The following NCAPD3 variants were observed in gnomAD, a reference collection of about 807,000 sequenced individuals.
The protein encoded by NCAPD3 is non-SMC condensin II complex subunit D3, also known as condensin-2 complex subunit D3.
In NCAPD3, 105 loss-of-function variants were observed where a neutral mutation model predicts 182.9. The observed-to-expected ratio is 0.57, with a 90% CI of 0.49 to 0.68. NCAPD3 has a LOEUF of 0.68. Ranked by LOEUF, NCAPD3 falls within the 30% of genes least tolerant of loss-of-function variation. The pLI, the probability that NCAPD3 is intolerant of heterozygous loss-of-function variation, is 0.00. For missense variants in NCAPD3, 1,944 were observed against 1,837.0 expected, an observed-to-expected ratio of 1.06 and a Z score of -1.07; for synonymous variants, 815 against 679.9, an observed-to-expected ratio of 1.20 and a Z score of -3.09.
intron 25 of NCAPD3, 83 bp downstream of exon 25, chr11:134,168,834 C>A (rs1436589255): frequency 1.3e-6 from 2 of 1,515,682 alleles, no homozygotes; most frequent in Non-Finnish European, 1.8e-6. Flanking sequence ...CGTCCAATCA[C>A]TACATGCAAA....
chr11:134,225,029 C>A, upstream of NCAPD3: 1 of 1,218,488 alleles, frequency 8.2e-7, no homozygotes, highest in Non-Finnish European at 1.1e-6. Context: ...AGCGCGCTCG[C>A]GCATCGGGCC....
intron 8 of NCAPD3, among the ~76,000 whole-genome samples, chr11:134,205,237 A>G (rs1944825768): frequency 6.6e-6 from 1 of 152,210 alleles, no homozygotes; most frequent in Admixed American, 6.5e-5. Context: ...TCTTTTGACT[A>G]CTTACTAAAT....
In NCAPD3 at chr11:134,204,488, A is replaced by C. The variant is rs1309586770; in HGVS notation, c.1090-317T>G. ...TATAAAAATGTAGAGATCATCATGGAAATTTGAACACTGGATGTTTGATAA... is the reference window on the plus strand; with the variant it reads ...TATAAAAATGTAGAGATCATCATGGCAATTTGAACACTGGATGTTTGATAA... On this transcript the variant is annotated intron_variant, in intron 9 of 34. Coordinates refer to ENST00000534548, the MANE Select transcript of NCAPD3 (RefSeq NM_015261.3). The surrounding 1 kb of genome is among the most constrained non-coding windows in gnomAD (Gnocchi z 4.3). Among the ~76,000 whole-genome samples the C allele has an allele frequency of 6.6e-6, 1 of 152,216 alleles. No homozygotes were observed. Among genetic ancestry groups the C allele is most frequent in the Non-Finnish European group, 1.5e-5 (1 of 68,038 alleles).
At chr11:134,181,045 G>T in intron 20 of NCAPD3, 32 bp downstream of exon 20, 1 of 1,518,718 alleles carries the variant, frequency 6.6e-7, no homozygotes, top group Non-Finnish European at 9.1e-7. Context: ...AAATGGAAGC[G>T]AAAAGAATGG....
Position 134,152,803 on chromosome 11 carries a change from C to A in NCAPD3, c.*141G>T. On this transcript the variant is annotated 3_prime_UTR_variant, in exon 35 of 35. Coordinates refer to ENST00000534548, the MANE Select transcript of NCAPD3 (RefSeq NM_015261.3). ...TACAGAATAGAAGGTGAGTGCCAGG[C>A]CCCTGAGGAGGAGCTCTCGTGTTCC... The A allele has an allele frequency of 1.5e-6, 1 of 650,786 alleles. No homozygotes were observed. The highest frequency in any genetic ancestry group is 2.7e-6 in the Non-Finnish European group (1 of 372,210). The allele number at this position is 650,786 out of a possible 1,614,324, so 40.3% of individuals were successfully genotyped here.
intron 29 of NCAPD3, among the ~76,000 whole-genome samples, chr11:134,159,551 C>T (rs898618415): frequency 1.3e-5 from 2 of 152,190 alleles, no homozygotes; most frequent in African/African-American, 2.4e-5. Context: ...AACAGCTACT[C>T]CTAGAAATGG....
chr11:134,216,159 G>T (rs1343292940), intron 3 of NCAPD3, among the ~76,000 whole-genome samples: 1 of 152,122 alleles, frequency 6.6e-6, no homozygotes, highest in African/African-American at 2.4e-5. Context: ...CATTTCCAAA[G>T]TCATGATGGG....
chr11:134,198,509 C>T (rs1309829568), intron 13 of NCAPD3, among the ~76,000 whole-genome samples: 5 of 152,212 alleles, frequency 3.3e-5, no homozygotes, highest in Admixed American at 2.6e-4. Flanking sequence ...CACATGTTCT[C>T]AGGACCTCCT....
chr11:134,192,652 T>C, intron 16 of NCAPD3, 37 bp downstream of exon 16: 1 of 1,562,640 alleles, frequency 6.4e-7, no homozygotes, highest in South Asian at 1.1e-5. Context: ...CCTACGGCCT[T>C]CTTCTATAGG....
chr11:134,160,270 G>A (rs1943541736), intron 28 of NCAPD3, among the ~76,000 whole-genome samples, 196 bp from the exon 29 acceptor site: 1 of 152,166 alleles, frequency 6.6e-6, no homozygotes, highest in African/African-American at 2.4e-5. Flanking sequence ...CAATAGGACT[G>A]ACATTACTGA....
intron 14 of NCAPD3, 41 bp from the exon 15 acceptor site, chr11:134,194,191 C>A: frequency 6.3e-7 from 1 of 1,586,084 alleles, no homozygotes; most frequent in Admixed American, 1.7e-5. Context: ...AACTGCATAG[C>A]ATCAACTCAC....
intron 13 of NCAPD3, among the ~76,000 whole-genome samples, chr11:134,195,444 G>A (rs1042463094): frequency 4.6e-5 from 7 of 152,090 alleles, no homozygotes; most frequent in Non-Finnish European, 8.8e-5. Flanking sequence ...ACCCTAAAGA[G>A]ATTATATCTT....
rs1283792883 is a variant in NCAPD3 at position 134,178,846 on chromosome 11, C to A, written c.2650G>T (p.Ala884Ser). 2 of 1,613,964 alleles carry A rather than the reference C, an allele frequency of 1.2e-6. No homozygotes were observed. The highest frequency in any genetic ancestry group is 2.7e-5 in the African/African-American group (2 of 74,894). The change falls in exon 21 of 35, where the codon GCT becomes TCT. Residue 884 changes from alanine to serine, a missense_variant. Ala to Ser is a moderately conservative substitution (Grantham distance 99, BLOSUM62 1). Coordinates refer to ENST00000534548, the MANE Select transcript of NCAPD3 (RefSeq NM_015261.3). ...CAGTGGTCAGCATCAGCAGACGAAG[C>A]CAGGACGGACTGAATCAGAAGGAAG... ...RIFLLIQSVL[A>S]SSADADHSPS...
intron 13 of NCAPD3, 38 bp downstream of exon 13, chr11:134,202,778 C>A: frequency 7.0e-7 from 1 of 1,430,312 alleles, no homozygotes; most frequent in Non-Finnish European, 9.6e-7. Flanking sequence ...TGAAATCCAG[C>A]AGTATTACCT....
Position 134,168,173 on chromosome 11 carries a change from T to C in NCAPD3, c.3396A>G (p.Leu1132=), listed in dbSNP as rs776758546. The change falls in exon 27 of 35, where the codon CTA becomes CTG. Residue 1132 remains leucine (L), a synonymous_variant. Transcript: ENST00000534548. ...SILACFADGI[L]PLDLDASELL... ...ACTCACTGGCGTCCAGGTCCAGGGGTAGGATGCCATCAGCAAAGCACGCTG... is the reference window on the plus strand; with the variant it reads ...ACTCACTGGCGTCCAGGTCCAGGGGCAGGATGCCATCAGCAAAGCACGCTG... 39 of 1,613,590 alleles carry C rather than the reference T, an allele frequency of 2.4e-5. No individual in the cohort carries two copies. Among genetic ancestry groups the C allele is most frequent in the Non-Finnish European group, 2.7e-5 (32 of 1,179,864 alleles).
At chr11:134,156,461 A>G (rs1360868804) in intron 32 of NCAPD3, among the ~76,000 whole-genome samples, 1 of 152,212 alleles carries the variant, frequency 6.6e-6, no homozygotes, top group Non-Finnish European at 1.5e-5. Context: ...AAGCTATCAC[A>G]CAAGATAATA....
At chr11:134,195,379 G>T (rs1944606864) in intron 13 of NCAPD3, among the ~76,000 whole-genome samples, 1 of 152,128 alleles carries the variant, frequency 6.6e-6, no homozygotes, top group Non-Finnish European at 1.5e-5. Flanking sequence ...AATTATAGGA[G>T]TGAGCTACCA....
chr11:134,199,625 T>C (rs1306623659), intron 13 of NCAPD3, among the ~76,000 whole-genome samples: 2 of 152,214 alleles, frequency 1.3e-5, no homozygotes, highest in African/African-American at 4.8e-5. Context: ...ACAGAGAGTC[T>C]CCAGTGTACT....
chr11:134,174,208 C>T (rs1944097924), intron 24 of NCAPD3, among the ~76,000 whole-genome samples: 1 of 151,070 alleles, frequency 6.6e-6, no homozygotes, highest in Non-Finnish European at 1.5e-5. Flanking sequence ...CTGGCAAAAA[C>T]GTGTCTCTAC....
Sources: allele counts gnomAD v4.1 joint callset (sites outside exome capture counted in the v4.1 genomes callset), GRCh38; gene constraint gnomAD v4.1.1; non-coding constraint Gnocchi (gnomAD v3.1); transcripts MANE v1.5; gene names NCBI Gene and HGNC (gene_info 2026-07-23, HGNC 2026-07-21).